The following ACE variants were observed in gnomAD, a reference collection of about 807,000 sequenced individuals.
The protein encoded by ACE is angiotensin-converting enzyme.
In ACE, 122 loss-of-function variants were observed where a neutral mutation model predicts 162.3. That is an observed-to-expected ratio of 0.75 (90% CI 0.65 to 0.87). ACE has a LOEUF of 0.87. Ranked by LOEUF, ACE falls within the 40% of genes least tolerant of loss-of-function variation. The probability of loss-of-function intolerance (pLI) is 0.00; values close to 1 mark genes in which losing one functional copy is unlikely to be tolerated. For synonymous variants in ACE, 796 were observed against 720.6 expected, an observed-to-expected ratio of 1.10 and a Z score of -1.68; for missense variants, 1,799 against 1,735.1, an observed-to-expected ratio of 1.04 and a Z score of -0.65.
chr17:63,484,096 A>T lies in ACE; in HGVS notation c.1709+125A>T. On this transcript the variant is annotated intron_variant, in intron 11 of 24. Transcript: ENST00000290866. This position sits in a 1 kb window ranked among gnomAD's most constrained non-coding sequence, Gnocchi z 4.0. ...CAACCACAGAGCTGGACTGATGTGG[A>T]TGCCTGTCTCCTCGCTATGTCATCA... 6.9e-7 allele frequency: 1 copy of T among 1,448,374 alleles called. No individual in the cohort carries two copies. The highest frequency in any genetic ancestry group is 9.3e-7 in the Non-Finnish European group (1 of 1,077,450). The allele number at this position is 1,448,374 out of a possible 1,614,324, so 89.7% of individuals were successfully genotyped here. A position where few individuals can be genotyped will look rare whatever the true frequency, so the allele number is the denominator to read the frequency against.
rs940584409 is a variant in ACE, at chr17:63,483,350, G to T, written c.1488-110G>T. ...TCCCTCTTCCAGGAAGTCTTCCCCA[G>T]TTCCTCAGGATGGGGAAGGGTTGCC... On this transcript the variant is annotated intron_variant, in intron 9 of 24. Transcript: ENST00000290866. 6 of 1,457,320 alleles carry T rather than the reference G, an allele frequency of 4.1e-6. No homozygotes were observed. The Admixed American group carries it at 8.4e-5, about 21-fold the overall frequency. The allele number at this position is 1,457,320 out of a possible 1,614,324, so 90.3% of individuals were successfully genotyped here.
chr17:63,496,122 G>A (rs1272395349), intron 22 of ACE: 3 of 504,050 alleles, frequency 6.0e-6, no homozygotes, highest in Non-Finnish European at 1.1e-5. Context: ...GCTCTGCCCT[G>A]ACCCCATGGA....
intron 13 of ACE, chr17:63,485,610 T>G: frequency 2.0e-6 from 1 of 491,250 alleles, no homozygotes; most frequent in African/African-American, 1.9e-5. Flanking sequence ...ACCCCATCTC[T>G]AGTAAAAATA....
chr17:63,486,384 T>A, intron 13 of ACE, 173 bp from the exon 14 acceptor site: 2 of 713,596 alleles, frequency 2.8e-6, no homozygotes, highest in Non-Finnish European at 4.9e-6. Context: ...GAGTACTGCA[T>A]CCAGGACGTT....
intron 3 of ACE, 70 bp downstream of exon 3, chr17:63,479,170 C>T: frequency 2.0e-5 from 25 of 1,241,580 alleles, no homozygotes; most frequent in Non-Finnish European, 2.9e-5. Flanking sequence ...CACTCCAGAC[C>T]ATGCAGTTGT....
intron 13 of ACE, among the ~76,000 whole-genome samples, chr17:63,486,097 A>G (rs4329): frequency 0.46 from 70,503 of 152,090 alleles, 16,612 homozygotes; most frequent in East Asian, 0.66. Context: ...TTCCCTGCCT[A>G]TTTGGCTGAG....
rs756717025 is a variant in ACE at position 63,485,282 on chromosome 17, T to C, written c.1968T>C (p.Tyr656=). Residue 656 remains tyrosine (Y), a synonymous_variant, in exon 13 of 25, where the codon TAT becomes TAC. Coordinates refer to ENST00000290866, the MANE Select transcript of ACE (RefSeq NM_000789.4). The part of the protein sequence containing the change: ...EAEASKFVEE[Y]DRTSQVVWNE... ...AGGCCAGCAAGTTTGTGGAGGAATA[T>C]GACCGGACATCCCAGGTGGTGTGGA... The C allele has an allele frequency of 6.2e-7, 1 of 1,614,018 alleles. No homozygotes were observed. Among genetic ancestry groups the C allele is most frequent in the Non-Finnish European group, 8.5e-7 (1 of 1,179,992 alleles).
chr17:63,480,322 C>G lies in ACE; in HGVS notation c.656-15C>G, dbSNP rs749344508. ...CCTTTGGCCTGAGCTACATACCTCACCCCCACGCCCCCAGGCTTCACAGAC... is the reference window on the plus strand; with the variant it reads ...CCTTTGGCCTGAGCTACATACCTCAGCCCCACGCCCCCAGGCTTCACAGAC... On this transcript the variant is annotated splice_polypyrimidine_tract_variant and intron_variant, in intron 4 of 24. Coordinates refer to ENST00000290866, the MANE Select transcript of ACE (RefSeq NM_000789.4). 12 of 1,613,106 alleles carry G rather than the reference C, an allele frequency of 7.4e-6. No homozygotes were observed. Among genetic ancestry groups the G allele is most frequent in the Non-Finnish European group, 1.0e-5 (12 of 1,179,858 alleles).
chr17:63,484,092 G>GT lies in ACE; in HGVS notation c.1709+122dup. On this transcript the variant is annotated intron_variant, in intron 11 of 24. Coordinates refer to ENST00000290866, the MANE Select transcript of ACE (RefSeq NM_000789.4). This position sits in a 1 kb window ranked among gnomAD's most constrained non-coding sequence, Gnocchi z 4.0. ...GCACCAACCACAGAGCTGGACTGAT[G>GT]TGGATGCCTGTCTCCTCGCTATGTC... 6.8e-7 allele frequency: 1 copy of GT among 1,462,112 alleles called. No individual in the cohort carries two copies. The highest frequency in any genetic ancestry group is 9.2e-7 in the Non-Finnish European group (1 of 1,089,402). The allele number at this position is 1,462,112 out of a possible 1,614,324, so 90.6% of individuals were successfully genotyped here. A position where few individuals can be genotyped will look rare whatever the true frequency, so the allele number is the denominator to read the frequency against.
Position 63,483,476 on chromosome 17 carries a change from A to G in ACE, c.1504A>G (p.Ile502Val). Reference sequence around the variant, plus strand: ...CTTTTCCAGAACCAAGTATCAGGGGATCTGTCCTCCTGTTACCCGAAACGA... The same window carrying G: ...CTTTTCCAGAACCAAGTATCAGGGGGTCTGTCCTCCTGTTACCCGAAACGA... ...WWYLRTKYQG[I>V]CPPVTRNETH... Residue 502 changes from isoleucine (I) to valine (V), a missense_variant, in exon 10 of 25, where the codon ATC becomes GTC. Coordinates refer to ENST00000290866, the MANE Select transcript of ACE (RefSeq NM_000789.4). 6.2e-7 allele frequency: 1 copy of G among 1,613,908 alleles called. No homozygotes were observed. Among genetic ancestry groups the G allele is most frequent in the Non-Finnish European group, 8.5e-7 (1 of 1,179,840 alleles).
intron 3 of ACE, 148 bp from the exon 4 acceptor site, chr17:63,479,621 C>G: frequency 9.4e-7 from 1 of 1,059,468 alleles, no homozygotes; most frequent in Non-Finnish European, 1.4e-6. Flanking sequence ...CCCCTCCCAC[C>G]AGGCCTGTAG....
At chr17:63,480,020 G>A in intron 4 of ACE, 108 bp downstream of exon 4, 2 of 1,490,074 alleles carry the variant, frequency 1.3e-6, no homozygotes, top group Non-Finnish European at 1.8e-6. Flanking sequence ...GACAATTCCA[G>A]CAGGCCCTGA....
chr17:63,482,342 G>A (rs1599141100), intron 7 of ACE, 124 bp from the exon 8 acceptor site: 4 of 803,478 alleles, frequency 5.0e-6, no homozygotes, highest in Non-Finnish European at 8.5e-6. Flanking sequence ...TTTCTACTGC[G>A]GCTTCATGCC....
Position 63,493,526 on chromosome 17 carries a change from C to T in ACE, c.3003C>T (p.Asp1001=). ...GHIQYFMQYK[D]LPVALREGAN... is the part of the protein sequence containing the mutation. ...TCCAGTATTTCATGCAGTACAAAGA[C>T]TTACCTGTGGCCTTGAGGGAGGGTG... is the stretch of plus-strand genomic sequence containing the variant. Residue 1001 remains aspartate (D), a synonymous_variant, in exon 20 of 25, where the codon GAC becomes GAT. Coordinates refer to ENST00000290866, the MANE Select transcript of ACE (RefSeq NM_000789.4). 1 of 1,614,132 alleles carries T rather than the reference C, an allele frequency of 6.2e-7. No individual in the cohort carries two copies. Among genetic ancestry groups the T allele is most frequent in the African/African-American group, 1.3e-5 (1 of 75,030 alleles).
rs993590453 is a variant in ACE, at chr17:63,481,200, G to A, written c.945+12G>A. The A allele has an allele frequency of 3.8e-6, 5 of 1,304,544 alleles. No individual in the cohort carries two copies. Among genetic ancestry groups the A allele is most frequent in the Non-Finnish European group, 2.1e-6 (2 of 959,962 alleles). 80.8% of individuals were successfully genotyped at this position (1,304,544 alleles called of 1,614,324 possible). A position where few individuals can be genotyped will look rare whatever the true frequency, so the allele number is the denominator to read the frequency against. On this transcript the variant is annotated intron_variant, in intron 6 of 24. Coordinates refer to ENST00000290866, the MANE Select transcript of ACE (RefSeq NM_000789.4). ...CTATGCTGCAGCAGGTAAGCTCTGG[G>A]CTCAAGCCTGGGGTGGTGGGGGTCG...
At chr17:63,481,526 A>G (rs1039371396) in intron 6 of ACE, 40 bp from the exon 7 acceptor site, 2 of 1,610,484 alleles carry the variant, frequency 1.2e-6, no homozygotes, top group African/African-American at 2.7e-5. Context: ...GGCCAGCCAG[A>G]GTGGGCTCCC....
intron 16 of ACE, 28 bp downstream of exon 16, chr17:63,488,819 C>A: frequency 6.2e-7 from 1 of 1,614,082 alleles, no homozygotes; most frequent in Non-Finnish European, 8.5e-7. Context: ...ACATCACTGG[C>A]ACTTGGGTCC....
chr17:63,496,217 A>G, intron 22 of ACE, 177 bp from the exon 23 acceptor site: 1 of 865,610 alleles, frequency 1.2e-6, no homozygotes, highest in South Asian at 1.5e-5. Flanking sequence ...AGACAATGCT[A>G]AGAGCTGGGG....
intron 10 of ACE, 59 bp downstream of exon 10, chr17:63,483,617 C>T (rs978726350): frequency 3.9e-5 from 53 of 1,352,414 alleles, no homozygotes; most frequent in Non-Finnish European, 5.0e-5. Context: ...TCCACTTCTC[C>T]TCCTGTGATC....
Sources: gnomAD v4.1 joint callset for allele counts (sites outside exome capture counted in the v4.1 genomes callset) on GRCh38, gnomAD v4.1.1 for gene constraint, Gnocchi (gnomAD v3.1) non-coding constraint, MANE v1.5 for transcripts, NCBI Gene and HGNC (gene_info 2026-07-23, HGNC 2026-07-21) for gene names.